The following TSC22D3 variants were observed in gnomAD, a reference collection of about 807,000 sequenced individuals.
TSC22D3 encodes TSC22 domain family member 3, also known as TSC22 domain family protein 3.
Under a neutral mutation model 11.1 loss-of-function variants are expected in TSC22D3, and 4 were observed. The observed-to-expected ratio is 0.36, with a 90% CI of 0.18 to 0.83. TSC22D3 has a LOEUF of 0.83. Ranked by LOEUF, TSC22D3 falls within the 40% of genes least tolerant of loss-of-function variation. The pLI is 0.48. For synonymous variants in TSC22D3, 77 were observed against 70.3 expected (o/e 1.10, Z -0.48); for missense variants, 118 against 159.4 (o/e 0.74, Z 1.40).
In TSC22D3 at chrX:107,775,321, G is replaced by A. The variant is rs748126375; in HGVS notation, c.99C>T (p.Ser33=). 6 of 1,209,410 alleles carry A rather than the reference G, an allele frequency of 5.0e-6. No homozygotes were observed. The African/African-American group carries it at 1.0e-4, about 21-fold the overall frequency. The change falls in exon 1 of 3, where the codon AGC becomes AGT. Residue 33 remains serine (S), a synonymous_variant. Coordinates refer to ENST00000372383, the MANE Select transcript of TSC22D3 (RefSeq NM_198057.3). ...LAHRSGLQRG[S]SGENNNPGSP... Reference sequence around the variant, plus strand: ...TGCCCGGGTTGTTGTTCTCCCCGCTGCTGCCTCGCTGGAGCCCACTCCGAT... The same window carrying A: ...TGCCCGGGTTGTTGTTCTCCCCGCTACTGCCTCGCTGGAGCCCACTCCGAT...
At chrX:107,765,716 T>C (rs1352132646) in intron 1 of TSC22D3, among the ~76,000 whole-genome samples, 1 of 112,334 alleles carries the variant, frequency 8.9e-6, no homozygotes, top group African/African-American at 3.2e-5. Context: ...TTCTTTTTCT[T>C]TTTTACTGCT....
intron 1 of TSC22D3, among the ~76,000 whole-genome samples, chrX:107,747,651 T>C (rs923890573): frequency 8.8e-6 from 1 of 113,243 alleles, no homozygotes; most frequent in Non-Finnish European, 1.9e-5. Context: ...TTCAAGCACC[T>C]ACTGTGCATG....
In TSC22D3 at chrX:107,761,676, C is replaced by T. The variant is rs765487873; in HGVS notation, c.320+13424G>A. ...CAGTCTTCCTGATCCTGATTTTCAG[C>T]TGATGAGCCATTATGACCTTTGGAG... On this transcript the variant is annotated intron_variant, in intron 1 of 2. Transcript: ENST00000372383. Among the ~76,000 whole-genome samples the T allele has an allele frequency of 3.6e-5, 4 of 112,043 alleles. No individual in the cohort carries two copies. In the East Asian group the frequency reaches 1.1e-3, roughly 31 times the overall value.
chrX:107,753,467 C>A (rs1006666812), intron 1 of TSC22D3, among the ~76,000 whole-genome samples: 1 of 111,122 alleles, frequency 9.0e-6, no homozygotes, highest in Non-Finnish European at 1.9e-5. Context: ...AGATGAATTG[C>A]GCCACCACTT....
chrX:107,715,042 G>C (rs1926937582), intron 2 of TSC22D3, among the ~76,000 whole-genome samples: 2 of 111,906 alleles, frequency 1.8e-5, no homozygotes, highest in African/African-American at 6.5e-5. Flanking sequence ...GGCTGCTGAG[G>C]GGCCTTTGGG....
chrX:107,769,057 T>C (rs16985291), intron 1 of TSC22D3, among the ~76,000 whole-genome samples: 11,518 of 112,433 alleles, frequency 0.1, 626 homozygotes, highest in African/African-American at 0.2. Flanking sequence ...GCTCATTTTA[T>C]GACAGGTTCC....
chrX:107,766,745 C>A (rs1929676886), intron 1 of TSC22D3, among the ~76,000 whole-genome samples: 1 of 111,122 alleles, frequency 9.0e-6, no homozygotes, highest in Non-Finnish European at 1.9e-5. Flanking sequence ...TGCCTCTGAG[C>A]AGACTGCTTG....
intron 1 of TSC22D3, among the ~76,000 whole-genome samples, chrX:107,726,654 C>CT (rs1394086960): frequency 9.0e-6 from 1 of 110,896 alleles, no homozygotes; most frequent in South Asian, 3.9e-4. Flanking sequence ...CTTTCATCTT[C>CT]TTTTTTTTAA....
chrX:107,727,504 T>A (rs181454916), intron 1 of TSC22D3, among the ~76,000 whole-genome samples: 420 of 112,185 alleles, frequency 3.7e-3, no homozygotes, highest in African/African-American at 7.6e-3. Context: ...TTATTTATTT[T>A]TTTTTTTTAC....
At chrX:107,718,755 G>A (rs1206867115) in intron 1 of TSC22D3, among the ~76,000 whole-genome samples, 4 of 112,405 alleles carry the variant, frequency 3.6e-5, no homozygotes, top group African/African-American at 1.3e-4. Context: ...GCACTAGCCC[G>A]GGATGGTGTT....
At chrX:107,717,198 G>A in intron 1 of TSC22D3, 2 of 524,090 alleles carry the variant, frequency 3.8e-6, no homozygotes, top group Non-Finnish European at 4.8e-6. Flanking sequence ...CCTTAGGCTG[G>A]GACTGTAAAC....
intron 1 of TSC22D3, among the ~76,000 whole-genome samples, chrX:107,739,921 G>C (rs1928317312): frequency 8.9e-6 from 1 of 112,551 alleles, no homozygotes; most frequent in African/African-American, 3.2e-5. Flanking sequence ...CGACACGATT[G>C]ATCATCACAC....
At chrX:107,746,734 A>G (rs1042030642) in intron 1 of TSC22D3, among the ~76,000 whole-genome samples, 1 of 112,364 alleles carries the variant, frequency 8.9e-6, no homozygotes, top group African/African-American at 3.2e-5. Flanking sequence ...AAGTCCTGAC[A>G]TATGTACGGA....
chrX:107,745,839 T>G (rs187916558), intron 1 of TSC22D3, among the ~76,000 whole-genome samples: 34 of 112,605 alleles, frequency 3.0e-4, no homozygotes, highest in Non-Finnish European at 6.2e-4. Flanking sequence ...TGAGATAATC[T>G]GCTTAGATTT....
chrX:107,761,086 CTCACT>C (rs1485965471), intron 1 of TSC22D3, among the ~76,000 whole-genome samples: 5 of 112,432 alleles, frequency 4.4e-5, no homozygotes, highest in Non-Finnish European at 9.4e-5. Flanking sequence ...GGAGTGTCCT[CTCACT>C]TCACTTTCCC....
At chrX:107,722,762 C>T (rs1244768409) in intron 1 of TSC22D3, among the ~76,000 whole-genome samples, 3 of 111,604 alleles carry the variant, frequency 2.7e-5, no homozygotes, top group Admixed American at 9.5e-5. Context: ...CTGAAAAAGG[C>T]GGTTGGTAAA....
intron 1 of TSC22D3, among the ~76,000 whole-genome samples, chrX:107,733,083 G>A (rs1846531932): frequency 1.0e-5 from 1 of 98,498 alleles, no homozygotes; most frequent in Non-Finnish European, 2.0e-5. Context: ...TGGGTTGATA[G>A]AGTGAGACCC....
intron 1 of TSC22D3, among the ~76,000 whole-genome samples, chrX:107,774,022 T>C (rs1321038263): frequency 8.9e-6 from 1 of 111,921 alleles, no homozygotes; most frequent in East Asian, 2.8e-4. Flanking sequence ...GGCGACTTGC[T>C]CAGGCTCATA....
chrX:107,752,046 G>C (rs1479894545), intron 1 of TSC22D3, among the ~76,000 whole-genome samples: 1 of 112,683 alleles, frequency 8.9e-6, no homozygotes, highest in African/African-American at 3.2e-5. Context: ...CAAGGCCATG[G>C]TTAAGAGGCA....
Sources: gnomAD v4.1 joint callset for allele counts (sites outside exome capture counted in the v4.1 genomes callset) on GRCh38, gnomAD v4.1.1 for gene constraint, MANE v1.5 for transcripts, NCBI Gene and HGNC (gene_info 2026-07-23, HGNC 2026-07-21) for gene names.